RAD51B: variants seen among roughly 807,000 people sequenced by gnomAD.
RAD51B encodes the protein DNA repair protein RAD51 homolog 2.
A neutral mutation model predicts 42.2 loss-of-function variants in RAD51B; 38 were observed. The observed-to-expected ratio is 0.90, with a 90% CI of 0.70 to 1.18. RAD51B has a LOEUF of 1.18. RAD51B is among the 50% of genes most tolerant of loss of function. The pLI, the probability that RAD51B is intolerant of heterozygous loss-of-function variation, is 0.00. For synonymous variants in RAD51B, 154 were observed against 145.2 expected (o/e 1.06, Z -0.43); for missense variants, 373 against 400.7 (o/e 0.93, Z 0.59).
chr14:68,270,197 C>T (rs943572596), intron 7 of RAD51B, among the ~76,000 whole-genome samples: 3 of 152,168 alleles, frequency 2.0e-5, no homozygotes, highest in African/African-American at 7.2e-5. Flanking sequence ...ACAGGAGAAG[C>T]CCTGTAGAAT....
At chr14:67,825,738 AT>A (rs374022568) in intron 3 of RAD51B, among the ~76,000 whole-genome samples, 161 bp downstream of exon 3, 25 of 150,534 alleles carry the variant, frequency 1.7e-4, no homozygotes, top group Admixed American at 9.2e-4. Context: ...ACATGTGAAA[AT>A]TTTTTTTTTC....
intron 9 of RAD51B, among the ~76,000 whole-genome samples, chr14:68,442,547 TCTC>T (rs1317066588): frequency 6.6e-6 from 1 of 150,614 alleles, no homozygotes; most frequent in Non-Finnish European, 1.5e-5. Context: ...TTCAAGCTAT[TCTC>T]CTACCTTAGC....
At chr14:67,923,298 CT>C (rs34809964) in intron 7 of RAD51B, among the ~76,000 whole-genome samples, 1,293 of 123,614 alleles carry the variant, frequency 0.01, 7 homozygotes, top group African/African-American at 0.034. Flanking sequence ...TTTTCTTTTT[CT>C]TTTTTTTTTT....
chr14:68,327,780 A>C (rs1256899957), intron 8 of RAD51B, among the ~76,000 whole-genome samples: 1 of 152,188 alleles, frequency 6.6e-6, no homozygotes, highest in African/African-American at 2.4e-5. Flanking sequence ...AGTACAAAGG[A>C]ATATCTGTGA....
intron 8 of RAD51B, among the ~76,000 whole-genome samples, chr14:68,395,607 G>A (rs1051126670): frequency 6.6e-6 from 1 of 152,148 alleles, no homozygotes; most frequent in African/African-American, 2.4e-5. Context: ...CTGCAATGTT[G>A]TTGTTGTGCT....
chr14:68,093,900 C>A (rs2077147094), intron 7 of RAD51B, among the ~76,000 whole-genome samples: 1 of 152,134 alleles, frequency 6.6e-6, no homozygotes, highest in Admixed American at 6.5e-5. Flanking sequence ...GCATACACAC[C>A]CTGATGGTCA....
chr14:68,360,290 C>T (rs2082996719), intron 8 of RAD51B, among the ~76,000 whole-genome samples: 1 of 152,240 alleles, frequency 6.6e-6, no homozygotes, highest in African/African-American at 2.4e-5. Context: ...TCCTGGAATG[C>T]CTTCTCCCCA....
chr14:68,418,278 C>A (rs2084612676), intron 9 of RAD51B, among the ~76,000 whole-genome samples: 1 of 152,154 alleles, frequency 6.6e-6, no homozygotes, highest in Non-Finnish European at 1.5e-5. Flanking sequence ...GAAAACATTT[C>A]TTTTTATGGC....
chr14:67,901,483 C>A (rs1047213918), intron 7 of RAD51B, among the ~76,000 whole-genome samples: 11 of 152,158 alleles, frequency 7.2e-5, no homozygotes, highest in African/African-American at 2.7e-4. Flanking sequence ...TCTCTATCTG[C>A]CTAAACTGCC....
Position 68,548,784 on chromosome 14 carries a change from AC to A in RAD51B, c.1037-45698del, listed in dbSNP as rs537859145. Among the ~76,000 whole-genome samples the A allele has an allele frequency of 1.1e-3, 172 of 152,058 alleles. 2 individuals carry two copies. The highest frequency in any genetic ancestry group is 3.2e-3 in the Admixed American group (49 of 15,288). On this transcript the variant is annotated intron_variant, in intron 10 of 10. Coordinates refer to the RAD51B transcript ENST00000487270. ...GCTGATGACCCAGGATTATCCCCCC[AC>A]CCAGGGCACACTGGGGATGAAGTGG...
chr14:68,499,483 T>C (rs1333966943), intron 10 of RAD51B, among the ~76,000 whole-genome samples: 3 of 152,186 alleles, frequency 2.0e-5, no homozygotes, highest in Non-Finnish European at 4.4e-5. Context: ...TGTGATATTT[T>C]GCAGGGTTAG....
At position 67,999,927 on chromosome 14, in the gene RAD51B, G is replaced by A. The variant is rs138752710; in HGVS notation, c.756+112723G>A. Among the ~76,000 whole-genome samples, 405 of 152,130 alleles carry A rather than the reference G, an allele frequency of 2.7e-3. 2 individuals are homozygous for A. The highest frequency in any genetic ancestry group is 3.6e-3 in the Non-Finnish European group (248 of 67,986). ...CAAGGGCTCAAAGGTGTAAAACGTG[G>A]GGAAGGCTGTAAATACACTTATGAA... On this transcript the variant is annotated intron_variant, in intron 7 of 10. Coordinates refer to ENST00000471583, the MANE Select transcript of RAD51B (RefSeq NM_133510.4).
intron 7 of RAD51B, among the ~76,000 whole-genome samples, chr14:67,970,755 T>G (rs1211211440): frequency 6.6e-6 from 1 of 152,106 alleles, no homozygotes; most frequent in East Asian, 1.9e-4. Flanking sequence ...ACTGTTGTTC[T>G]TTTTGTTGAT....
chr14:68,096,425 G>A (rs17104908), intron 7 of RAD51B, among the ~76,000 whole-genome samples: 44,302 of 152,104 alleles, frequency 0.29, 9,152 homozygotes, highest in African/African-American at 0.59. Flanking sequence ...AAGTCGTACC[G>A]TCCAAGAGCT....
intron 8 of RAD51B, among the ~76,000 whole-genome samples, chr14:68,351,379 T>C (rs2082784429): frequency 6.6e-6 from 1 of 152,228 alleles, no homozygotes. Context: ...TCTCTCTCTT[T>C]CCTTTTTTCC....
chr14:68,150,448 T>G lies in RAD51B; in HGVS notation c.757-141436T>G, dbSNP rs545393361. Among the ~76,000 whole-genome samples the G allele has an allele frequency of 2.1e-5, 3 of 142,952 alleles. No homozygotes were observed. In the South Asian group the frequency reaches 7.1e-4, roughly 34 times the overall value. The allele number at this position is 142,952 out of a possible 152,430, so 93.8% of individuals were successfully genotyped here. ...TATTGAGTCTTCTTATCCATGAACA[T>G]AGAATATTTCTCCACTTATTTAGAT... On this transcript the variant is annotated intron_variant, in intron 7 of 10. Coordinates refer to ENST00000471583, the MANE Select transcript of RAD51B (RefSeq NM_133510.4).
chr14:68,114,995 C>T (rs2077516750), intron 7 of RAD51B, among the ~76,000 whole-genome samples: 1 of 149,058 alleles, frequency 6.7e-6, no homozygotes, highest in African/African-American at 2.6e-5. Context: ...GGCGATTCCT[C>T]AGGGATCTAG....
chr14:68,617,829 CA>C (rs1891856731), intron 10 of RAD51B, among the ~76,000 whole-genome samples: 1 of 152,206 alleles, frequency 6.6e-6, no homozygotes, highest in African/African-American at 2.4e-5. Flanking sequence ...GACAGGGTTT[CA>C]CCATGTTGGC....
In RAD51B at chr14:68,196,173, AGAGT is replaced by A. The variant is rs538811661; in HGVS notation, c.757-95707_757-95704del. ...GCCACTGCACTCCAGCCTGGGCGAC[AGAGT>A]GAGACTCCATCTCAAAAAAAAAAAA... On this transcript the variant is annotated intron_variant, in intron 7 of 10. Coordinates refer to ENST00000471583, the MANE Select transcript of RAD51B (RefSeq NM_133510.4). Among the ~76,000 whole-genome samples, 212 of 151,338 alleles carry A rather than the reference AGAGT, an allele frequency of 1.4e-3. 1 individual carries two copies. Among genetic ancestry groups the A allele is most frequent in the South Asian group, 2.7e-3 (13 of 4,776 alleles).
Sources: allele counts gnomAD v4.1 joint callset (sites outside exome capture counted in the v4.1 genomes callset), GRCh38; gene constraint gnomAD v4.1.1; transcripts MANE v1.5; gene names NCBI Gene and HGNC (gene_info 2026-07-23, HGNC 2026-07-21).